Variants in TRIO observed in about 807,000 individuals in gnomAD.
The protein encoded by TRIO is triple functional domain protein.
Under a neutral mutation model 351.9 loss-of-function variants are expected in TRIO, and 58 were observed. The ratio of observed to expected loss-of-function variants is 0.16; its 90% CI spans 0.13 to 0.21. TRIO has a LOEUF of 0.21. TRIO is among the 10% of genes least tolerant of loss of function. The probability of loss-of-function intolerance (pLI) is 1.00; values close to 1 mark genes in which losing one functional copy is unlikely to be tolerated. For synonymous variants in TRIO, 1,758 were observed against 1,595.7 expected (o/e 1.10, Z -2.42); for missense variants, 3,201 against 4,027.8 (o/e 0.79, Z 5.56).
Position 14,351,440 on chromosome 5 carries a change from G to T in TRIO, c.2047-6738G>T, listed in dbSNP as rs537958274. Reference sequence around the variant, plus strand: ...ACTTGCAGCAGCTCTGGGAAGCTGTGGCTTTCATACTTCCCCTGCTGGCCC... The same window carrying T: ...ACTTGCAGCAGCTCTGGGAAGCTGTTGCTTTCATACTTCCCCTGCTGGCCC... On this transcript the variant is annotated intron_variant, in intron 11 of 56. Coordinates refer to ENST00000344204, the MANE Select transcript of TRIO (RefSeq NM_007118.4). 4.6e-5 allele frequency among the ~76,000 whole-genome samples: 7 copies of T among 152,282 alleles called. No homozygotes were observed. The South Asian group carries it at 1.5e-3, about 32-fold the overall frequency.
intron 1 of TRIO, among the ~76,000 whole-genome samples, chr5:14,198,695 C>G (rs1790920424): frequency 6.6e-6 from 1 of 152,142 alleles, no homozygotes; most frequent in South Asian, 2.1e-4. Flanking sequence ...TTCTTAGAAC[C>G]TCTTGAGCCC....
At chr5:14,441,469 G>C (rs563082610) in intron 34 of TRIO, 1 of 153,768 alleles carries the variant, frequency 6.5e-6, no homozygotes, top group African/African-American at 2.4e-5. Flanking sequence ...GAAATGTTTT[G>C]TGCTTGGAAC....
chr5:14,273,835 A>T (rs1466107673), intron 2 of TRIO, among the ~76,000 whole-genome samples: 5 of 152,216 alleles, frequency 3.3e-5, no homozygotes, highest in African/African-American at 1.2e-4. Flanking sequence ...CAACCACCAG[A>T]ATTAAGAACG....
chr5:14,254,035 T>A, intron 1 of TRIO, among the ~76,000 whole-genome samples: 1 of 147,924 alleles, frequency 6.8e-6, no homozygotes, highest in East Asian at 1.9e-4. Context: ...TTTGAAGATA[T>A]TATTTCAAAA....
chr5:14,492,608 G>A lies in TRIO; in HGVS notation c.7674G>A (p.Val2558=). The change falls in exon 49 of 57, where the codon GTG becomes GTA. Residue 2558 remains valine, a synonymous_variant. Transcript: ENST00000344204. ...GTAGCAACATCTCCACCATGTTGGT[G>A]ACACACGATTACACGGCAGTGAAGG... The part of the protein sequence containing the change: ...SSSSNISTML[V]THDYTAVKED... 1 of 1,614,186 alleles carries A rather than the reference G, an allele frequency of 6.2e-7. No homozygotes were observed. The highest frequency in any genetic ancestry group is 1.1e-5 in the South Asian group (1 of 91,076).
In TRIO at chr5:14,255,033, CAG is replaced by C. The variant is rs1378953319; in HGVS notation, c.158-15787_158-15786del. On this transcript the variant is annotated intron_variant, in intron 1 of 56. Coordinates refer to ENST00000344204, the MANE Select transcript of TRIO (RefSeq NM_007118.4). Reference sequence around the variant, plus strand: ...AATCTAGTTTATTGTTTTATTGGTTCAGAGAGTTTAGAATCCAAAATTGATTT... The same window carrying C: ...AATCTAGTTTATTGTTTTATTGGTTCAGAGTTTAGAATCCAAAATTGATTT... Among the ~76,000 whole-genome samples the C allele has an allele frequency of 9.9e-5, 15 of 152,228 alleles. No homozygotes were observed. In the South Asian group the frequency reaches 3.1e-3, roughly 32 times the overall value.
At chr5:14,335,796 C>T (rs1316862587) in intron 10 of TRIO, among the ~76,000 whole-genome samples, 1 of 152,126 alleles carries the variant, frequency 6.6e-6, no homozygotes, top group African/African-American at 2.4e-5. Flanking sequence ...AAACCCCCAT[C>T]TCTCCTAAAA....
At chr5:14,226,379 T>C (rs1281293283) in intron 1 of TRIO, among the ~76,000 whole-genome samples, 1 of 152,092 alleles carries the variant, frequency 6.6e-6, no homozygotes, top group African/African-American at 2.4e-5. Context: ...CTTGTGGAGG[T>C]TGAAAACCAG....
chr5:14,375,454 C>G (rs1444006895), intron 19 of TRIO, among the ~76,000 whole-genome samples: 1 of 152,206 alleles, frequency 6.6e-6, no homozygotes, highest in Non-Finnish European at 1.5e-5. Context: ...CGTTTATTCC[C>G]TCGTTAGATC....
intron 1 of TRIO, among the ~76,000 whole-genome samples, chr5:14,184,632 C>T (rs1192979543): frequency 1.3e-5 from 2 of 152,150 alleles, no homozygotes; most frequent in Non-Finnish European, 2.9e-5. Flanking sequence ...GAGGAAAGAG[C>T]GCATCTCAGC....
At chr5:14,461,375 T>G in intron 35 of TRIO, 64 bp downstream of exon 35, 6 of 1,440,784 alleles carry the variant, frequency 4.2e-6, no homozygotes, top group Non-Finnish European at 5.5e-6. Context: ...GCTGCAAGAA[T>G]AGTTGCTGAT....
intron 34 of TRIO, among the ~76,000 whole-genome samples, chr5:14,459,169 A>T (rs1753589148): frequency 6.6e-6 from 1 of 152,178 alleles, no homozygotes. Context: ...CGAAGGAAGG[A>T]ACGGGACAGC....
At chr5:14,344,640 A>G (rs1390024461) in intron 11 of TRIO, among the ~76,000 whole-genome samples, 3 of 152,212 alleles carry the variant, frequency 2.0e-5, no homozygotes, top group Non-Finnish European at 4.4e-5. Context: ...ATCGATATAG[A>G]TAAAATAATA....
At chr5:14,275,972 A>G (rs188207848) in intron 2 of TRIO, among the ~76,000 whole-genome samples, 227 of 148,318 alleles carry the variant, frequency 1.5e-3, no homozygotes, top group Middle Eastern at 3.6e-3. Context: ...ATATATATAC[A>G]TACATATATA....
chr5:14,447,481 T>C lies in TRIO; in HGVS notation c.5204-13538T>C, dbSNP rs1752525736. 3.3e-5 allele frequency among the ~76,000 whole-genome samples: 5 copies of C among 152,306 alleles called. No homozygotes were observed. The South Asian group carries it at 1.0e-3, about 32-fold the overall frequency. Reference sequence around the variant, plus strand: ...AAATGTATACATGAATGAAGAGAAATCATTCACCTCCTGAAATAAATCAGT... The same window carrying C: ...AAATGTATACATGAATGAAGAGAAACCATTCACCTCCTGAAATAAATCAGT... On this transcript the variant is annotated intron_variant, in intron 34 of 56. Coordinates refer to ENST00000344204, the MANE Select transcript of TRIO (RefSeq NM_007118.4).
intron 19 of TRIO, 31 bp from the exon 20 acceptor site, chr5:14,377,981 C>G: frequency 6.4e-7 from 1 of 1,551,688 alleles, no homozygotes; most frequent in South Asian, 1.2e-5. Context: ...ATTGCAAGCA[C>G]CAACATACAT....
chr5:14,209,479 T>G (rs1278927152), intron 1 of TRIO, among the ~76,000 whole-genome samples: 1 of 152,202 alleles, frequency 6.6e-6, no homozygotes, highest in Non-Finnish European at 1.5e-5. Flanking sequence ...TAATATATTC[T>G]TTCTCCTGTA....
chr5:14,423,144 G>T (rs533506457), intron 34 of TRIO, among the ~76,000 whole-genome samples: 2 of 152,302 alleles, frequency 1.3e-5, no homozygotes, highest in Non-Finnish European at 2.9e-5. Flanking sequence ...ATTGAATAAG[G>T]GTTCAGCAAA....
At chr5:14,391,310 T>G (rs1561432091) in intron 27 of TRIO, among the ~76,000 whole-genome samples, 1 of 152,226 alleles carries the variant, frequency 6.6e-6, no homozygotes, top group Non-Finnish European at 1.5e-5. Context: ...TCAATACATT[T>G]TTTCACCTGT....
Sources: gnomAD v4.1 joint callset for allele counts (sites outside exome capture counted in the v4.1 genomes callset) on GRCh38, gnomAD v4.1.1 for gene constraint, MANE v1.5 for transcripts, NCBI Gene and HGNC (gene_info 2026-07-23, HGNC 2026-07-21) for gene names.